The following GPATCH2 variants were observed in gnomAD, a reference collection of about 807,000 sequenced individuals.
The protein encoded by GPATCH2 is G-patch domain containing 2.
A neutral mutation model predicts 58.0 loss-of-function variants in GPATCH2; 51 were observed. The ratio of observed to expected loss-of-function variants is 0.88; its 90% CI spans 0.70 to 1.11. The LOEUF is 1.11. GPATCH2 is among the 50% of genes most tolerant of loss of function. The pLI is 0.00. For missense variants in GPATCH2, 625 were observed against 652.2 expected, an observed-to-expected ratio of 0.96 and a Z score of 0.45; for synonymous variants, 222 against 218.5, an observed-to-expected ratio of 1.02 and a Z score of -0.14.
At position 217,447,974 on chromosome 1, in the gene GPATCH2, C is replaced by T. The variant is rs188710439; in HGVS notation, c.1366+1275G>A. 2.7e-3 allele frequency among the ~76,000 whole-genome samples: 407 copies of T among 151,858 alleles called. 3 individuals carry two copies. Among genetic ancestry groups the T allele is most frequent in the Admixed American group, 0.014 (215 of 15,242 alleles). On this transcript the variant is annotated intron_variant, in intron 9 of 9. Coordinates refer to ENST00000366935, the MANE Select transcript of GPATCH2 (RefSeq NM_018040.5). ...TTAGCTGGGCATGGTGGTGGGCGCC[C>T]ATAATCCCAACCACTTGGGAGGCTG...
At chr1:217,521,358 C>CAAA (rs35333815) in intron 5 of GPATCH2, among the ~76,000 whole-genome samples, 3 of 101,168 alleles carry the variant, frequency 3.0e-5, no homozygotes, top group African/African-American at 4.3e-5. Context: ...AGGGAGACTG[C>CAAA]AAAAAAAAAA....
At chr1:217,585,002 G>A (rs1395335613) in intron 5 of GPATCH2, among the ~76,000 whole-genome samples, 2 of 151,556 alleles carry the variant, frequency 1.3e-5, no homozygotes, top group African/African-American at 2.4e-5. Flanking sequence ...AGAAAGATGA[G>A]GGCAGATATG....
chr1:217,625,325 G>A (rs1035094384), intron 1 of GPATCH2, among the ~76,000 whole-genome samples: 3 of 152,114 alleles, frequency 2.0e-5, no homozygotes, highest in Non-Finnish European at 4.4e-5. Context: ...TCTGGTTCAA[G>A]GAAGAAGAAT....
At chr1:217,505,468 C>G (rs1398709326) in intron 6 of GPATCH2, among the ~76,000 whole-genome samples, 1 of 152,114 alleles carries the variant, frequency 6.6e-6, no homozygotes, top group Non-Finnish European at 1.5e-5. Flanking sequence ...TTCCTTCTCA[C>G]TGTTCCTTAA....
At chr1:217,542,734 T>A (rs530305671) in intron 5 of GPATCH2, among the ~76,000 whole-genome samples, 1 of 152,342 alleles carries the variant, frequency 6.6e-6, no homozygotes, top group East Asian at 1.9e-4. Context: ...TTTCTCTTAC[T>A]TAAAACCCAA....
At chr1:217,467,858 G>A (rs1440064815) in intron 8 of GPATCH2, among the ~76,000 whole-genome samples, 1 of 152,094 alleles carries the variant, frequency 6.6e-6, no homozygotes, top group Non-Finnish European at 1.5e-5. Flanking sequence ...AAAGGTCCAA[G>A]AAAAGCCTAG....
chr1:217,506,694 C>T (rs1165908192), intron 6 of GPATCH2, among the ~76,000 whole-genome samples: 1 of 152,192 alleles, frequency 6.6e-6, no homozygotes, highest in Non-Finnish European at 1.5e-5. Flanking sequence ...CATGACCTAC[C>T]AGACTTGGCA....
At chr1:217,526,635 T>C (rs1663921649) in intron 5 of GPATCH2, among the ~76,000 whole-genome samples, 1 of 152,254 alleles carries the variant, frequency 6.6e-6, no homozygotes, top group Admixed American at 6.5e-5. Context: ...ATATCTATTC[T>C]AAGTAAATAA....
chr1:217,497,327 T>C (rs1047245615), intron 7 of GPATCH2, among the ~76,000 whole-genome samples: 1 of 152,154 alleles, frequency 6.6e-6, no homozygotes, highest in African/African-American at 2.4e-5. Flanking sequence ...TCTGAATTCA[T>C]AGAAATAGTG....
In GPATCH2 at chr1:217,462,661, T is replaced by C. The variant is rs1050515206; in HGVS notation, c.1278-13324A>G. 2.0e-5 allele frequency among the ~76,000 whole-genome samples: 3 copies of C among 152,356 alleles called. No individual in the cohort carries two copies. The East Asian group carries it at 5.8e-4, about 29-fold the overall frequency. On this transcript the variant is annotated intron_variant, in intron 8 of 9. Transcript: ENST00000366935. ...AAATTCAATGAGTTAAAATACATCATTAACACTCAATGAATCTTAGCTATT... is the reference window on the plus strand; with the variant it reads ...AAATTCAATGAGTTAAAATACATCACTAACACTCAATGAATCTTAGCTATT...
chr1:217,616,599 T>A (rs929307597), intron 2 of GPATCH2, among the ~76,000 whole-genome samples: 1 of 152,196 alleles, frequency 6.6e-6, no homozygotes, highest in Non-Finnish European at 1.5e-5. Context: ...TATCTAGAGT[T>A]GTTCCGTGTA....
At chr1:217,509,505 C>G (rs1209136287) in intron 6 of GPATCH2, among the ~76,000 whole-genome samples, 1 of 152,130 alleles carries the variant, frequency 6.6e-6, no homozygotes, top group African/African-American at 2.4e-5. Flanking sequence ...TGTCTTATAT[C>G]TTCTGCGAGC....
intron 8 of GPATCH2, among the ~76,000 whole-genome samples, chr1:217,455,981 C>T (rs1002859238): frequency 9.2e-5 from 14 of 151,960 alleles, no homozygotes; most frequent in Non-Finnish European, 2.1e-4. Context: ...GGCTGCTGGA[C>T]GGCCAAATTC....
intron 5 of GPATCH2, among the ~76,000 whole-genome samples, chr1:217,558,216 T>C (rs1665737548): frequency 6.6e-6 from 1 of 152,196 alleles, no homozygotes; most frequent in African/African-American, 2.4e-5. Context: ...TAATGTCACC[T>C]CATCTGTACA....
At chr1:217,591,097 G>T (rs1184375956) in intron 5 of GPATCH2, among the ~76,000 whole-genome samples, 1 of 152,188 alleles carries the variant, frequency 6.6e-6, no homozygotes, top group East Asian at 1.9e-4. Context: ...ATTAGAATTT[G>T]AGGAGACTTG....
chr1:217,618,710 C>A (rs1669021377), intron 2 of GPATCH2, among the ~76,000 whole-genome samples: 1 of 151,980 alleles, frequency 6.6e-6, no homozygotes, highest in Admixed American at 6.6e-5. Context: ...AAAATGATCC[C>A]AGCCCTTGGG....
intron 5 of GPATCH2, among the ~76,000 whole-genome samples, chr1:217,555,982 T>A (rs922906954): frequency 1.3e-5 from 2 of 152,222 alleles, no homozygotes; most frequent in African/African-American, 4.8e-5. Flanking sequence ...AATAGTCAAC[T>A]TATAAATCAT....
intron 5 of GPATCH2, among the ~76,000 whole-genome samples, chr1:217,606,554 A>G (rs1249669485): frequency 1.3e-5 from 2 of 152,128 alleles, no homozygotes; most frequent in African/African-American, 4.8e-5. Flanking sequence ...CAGCCTGGAC[A>G]ACATGGCAAA....
At chr1:217,536,334 G>GA (rs994438599) in intron 5 of GPATCH2, among the ~76,000 whole-genome samples, 44 of 152,224 alleles carry the variant, frequency 2.9e-4, no homozygotes, top group African/African-American at 1.0e-3. Context: ...AAAATACATA[G>GA]AAAAAATTAT....
Sources: gnomAD v4.1 joint callset for allele counts (sites outside exome capture counted in the v4.1 genomes callset) on GRCh38, gnomAD v4.1.1 for gene constraint, MANE v1.5 for transcripts, NCBI Gene and HGNC (gene_info 2026-07-23, HGNC 2026-07-21) for gene names.